The following SORCS1 variants were observed in gnomAD, a reference collection of about 807,000 sequenced individuals.
The protein encoded by SORCS1 is sortilin related VPS10 domain containing receptor 1.
In SORCS1, 60 loss-of-function variants were observed where a neutral mutation model predicts 146.1. The observed-to-expected ratio is 0.41, with a 90% CI of 0.33 to 0.51. The LOEUF (loss-of-function observed/expected upper bound fraction) is 0.51, where lower values mean the gene tolerates loss of function less well. SORCS1 is among the 20% of genes least tolerant of loss of function. SORCS1 has a pLI of 0.21. For synonymous variants in SORCS1, 637 were observed against 584.0 expected, an observed-to-expected ratio of 1.09 and a Z score of -1.31; for missense variants, 1,352 against 1,487.6, an observed-to-expected ratio of 0.91 and a Z score of 1.50.
rs772421907 is a variant in SORCS1, at chr10:106,889,888, T to TAAAAAAAAAAAA, written c.627-60227_627-60216dup. 2.3e-3 allele frequency among the ~76,000 whole-genome samples: 165 copies of TAAAAAAAAAAAA among 71,652 alleles called. 11 individuals are homozygous for TAAAAAAAAAAAA. The highest frequency in any genetic ancestry group is 6.5e-3 in the African/African-American group (126 of 19,408). 47.0% of individuals were successfully genotyped at this position (71,652 alleles called of 152,430 possible). The stretch of plus-strand genomic sequence containing the variant: ...TGACAGAGTGAGACTACGTCTCAAA[T>TAAAAAAAAAAAA]AAAAAAAAAAAAAAAAAAAAAAAGC... On this transcript the variant is annotated intron_variant, in intron 2 of 25. Coordinates refer to ENST00000263054, the MANE Select transcript of SORCS1 (RefSeq NM_052918.5).
chr10:106,764,840 G>A (rs551541407), intron 4 of SORCS1, among the ~76,000 whole-genome samples: 2 of 152,038 alleles, frequency 1.3e-5, no homozygotes, highest in South Asian at 2.1e-4. Flanking sequence ...TGGCTAACAC[G>A]GTGAAACTCC....
chr10:107,106,007 G>T (rs1965278714), intron 1 of SORCS1, among the ~76,000 whole-genome samples: 1 of 152,166 alleles, frequency 6.6e-6, no homozygotes, highest in South Asian at 2.1e-4. Flanking sequence ...AAGTTAGGAA[G>T]GCAGAAAACA....
chr10:107,085,617 G>A (rs931785381), intron 1 of SORCS1, among the ~76,000 whole-genome samples: 1 of 152,180 alleles, frequency 6.6e-6, no homozygotes, highest in African/African-American at 2.4e-5. Flanking sequence ...GCCAAGGGCA[G>A]TTTTGAAGAG....
chr10:106,878,705 T>G (rs1171821264), intron 2 of SORCS1, among the ~76,000 whole-genome samples: 1 of 146,082 alleles, frequency 6.8e-6, no homozygotes, highest in Non-Finnish European at 1.5e-5. Context: ...CACAAAATTT[T>G]TATATGTCCC....
At chr10:106,630,214 G>C (rs574063855) in intron 18 of SORCS1, among the ~76,000 whole-genome samples, 74 of 152,276 alleles carry the variant, frequency 4.9e-4, no homozygotes, top group South Asian at 3.9e-3. Context: ...CACTTTGCCT[G>C]ATATCTGATA....
chr10:106,693,303 A>G (rs914172275), intron 9 of SORCS1, among the ~76,000 whole-genome samples: 1 of 152,168 alleles, frequency 6.6e-6, no homozygotes, highest in African/African-American at 2.4e-5. Flanking sequence ...TGAAATTCAG[A>G]TGTGGCTAAT....
At chr10:106,714,409 C>T (rs1855217190) in intron 6 of SORCS1, among the ~76,000 whole-genome samples, 1 of 151,726 alleles carries the variant, frequency 6.6e-6, no homozygotes, top group East Asian at 1.9e-4. Flanking sequence ...AGTAGGTTAC[C>T]AATTAGTAAT....
chr10:106,753,293 C>T (rs1019584908), intron 5 of SORCS1, among the ~76,000 whole-genome samples: 2 of 152,112 alleles, frequency 1.3e-5, no homozygotes, highest in African/African-American at 4.8e-5. Context: ...GAAAGAGTTA[C>T]AGCCATCTCG....
intron 5 of SORCS1, among the ~76,000 whole-genome samples, chr10:106,738,110 G>A (rs1198483973): frequency 6.6e-6 from 1 of 152,022 alleles, no homozygotes; most frequent in African/African-American, 2.4e-5. Context: ...TACATAAATG[G>A]GGAAGAAAAA....
At chr10:106,785,908 T>C (rs939133042) in intron 3 of SORCS1, among the ~76,000 whole-genome samples, 4 of 152,316 alleles carry the variant, frequency 2.6e-5, no homozygotes, top group East Asian at 3.9e-4. Context: ...ATGACAAACA[T>C]TGATCATCTC....
chr10:106,904,759 T>A (rs1951844283), intron 2 of SORCS1, among the ~76,000 whole-genome samples: 2 of 152,242 alleles, frequency 1.3e-5, no homozygotes, highest in African/African-American at 4.8e-5. Context: ...TTGGCCCATT[T>A]GTATTGAGAT....
the SORCS1 span, among the ~76,000 whole-genome samples, chr10:107,173,104 A>G: frequency 2.9e-4 from 44 of 152,240 alleles, no homozygotes; most frequent in Admixed American, 2.4e-3. Flanking sequence ...AGTCAACAAT[A>G]CCTATGTGCA....
At chr10:107,146,327 C>T (rs923300540) in intron 1 of SORCS1, among the ~76,000 whole-genome samples, 7 of 151,942 alleles carry the variant, frequency 4.6e-5, no homozygotes. Context: ...ACCAGCACTC[C>T]ACCTATTGCC....
intron 4 of SORCS1, 62 bp from the exon 5 acceptor site, chr10:106,761,723 A>G: frequency 7.4e-7 from 1 of 1,352,772 alleles, no homozygotes; most frequent in Non-Finnish European, 1.1e-6. Flanking sequence ...CACAAACATC[A>G]GTTCATTGGA....
chr10:106,706,531 G>C lies in SORCS1; in HGVS notation c.1233+14C>G. 6.2e-7 allele frequency: 1 copy of C among 1,613,030 alleles called. No homozygotes were observed. Among genetic ancestry groups the C allele is most frequent in the Non-Finnish European group, 8.5e-7 (1 of 1,179,010 alleles). ...GAGTCAAGAGTGAAATGAAGAAAGT[G>C]ATTTAGGCCATACCTTGGGCAAAGC... On this transcript the variant is annotated intron_variant, in intron 8 of 25. Transcript: ENST00000263054.
intron 2 of SORCS1, among the ~76,000 whole-genome samples, chr10:106,922,679 A>G (rs2138428424): frequency 6.6e-6 from 1 of 152,258 alleles, no homozygotes; most frequent in East Asian, 1.9e-4. Context: ...CAACTGATGA[A>G]CCAACACTGA....
intron 1 of SORCS1, among the ~76,000 whole-genome samples, chr10:107,009,171 G>A (rs1265148191): frequency 6.6e-6 from 1 of 152,166 alleles, no homozygotes; most frequent in Non-Finnish European, 1.5e-5. Flanking sequence ...GATCAAGTAT[G>A]GCAAAAATGC....
chr10:106,973,895 C>T (rs1453049744), intron 1 of SORCS1, among the ~76,000 whole-genome samples: 2 of 152,110 alleles, frequency 1.3e-5, no homozygotes, highest in Non-Finnish European at 2.9e-5. Flanking sequence ...GGAAAGATAC[C>T]ACTTGGCAGA....
chr10:106,784,583 T>C (rs1160685805), intron 3 of SORCS1, among the ~76,000 whole-genome samples: 1 of 152,134 alleles, frequency 6.6e-6, no homozygotes, highest in Non-Finnish European at 1.5e-5. Context: ...TCCATCAACA[T>C]TACAAGTCCC....
Sources: allele counts gnomAD v4.1 joint callset (sites outside exome capture counted in the v4.1 genomes callset), GRCh38; gene constraint gnomAD v4.1.1; transcripts MANE v1.5; gene names NCBI Gene and HGNC (gene_info 2026-07-23, HGNC 2026-07-21).